WWOX: variants seen among roughly 807,000 people sequenced by gnomAD.
WWOX encodes WW domain-containing oxidoreductase.
In WWOX, 69 loss-of-function variants were observed where a neutral mutation model predicts 46.2. The ratio of observed to expected loss-of-function variants is 1.49; its 90% CI spans 1.23 to 1.82. WWOX has a LOEUF of 1.82. Among genes scored for constraint, WWOX ranks in the 40% most tolerant of loss-of-function variants. WWOX has a pLI of 0.00. For synonymous variants in WWOX, 359 were observed against 202.6 expected, an observed-to-expected ratio of 1.77 and a Z score of -6.56; for missense variants, 919 against 542.6, an observed-to-expected ratio of 1.69 and a Z score of -6.89.
chr16:79,062,212 G>GTT (rs1597338028), intron 8 of WWOX, among the ~76,000 whole-genome samples: 1 of 152,180 alleles, frequency 6.6e-6, no homozygotes, highest in Admixed American at 6.5e-5. Context: ...AGGAAGAAGC[G>GTT]TAAGTGTATC....
At chr16:78,604,584 T>C (rs1424162268) in intron 8 of WWOX, among the ~76,000 whole-genome samples, 2 of 152,172 alleles carry the variant, frequency 1.3e-5, no homozygotes, top group Admixed American at 6.5e-5. Flanking sequence ...AGTATTTCTT[T>C]TAGGATTCTA....
chr16:78,344,901 G>A (rs1333910735), intron 5 of WWOX, among the ~76,000 whole-genome samples: 1 of 121,076 alleles, frequency 8.3e-6, no homozygotes, highest in Non-Finnish European at 2.0e-5. Flanking sequence ...CAGACTGCTT[G>A]TGTTCCATTC....
intron 8 of WWOX, among the ~76,000 whole-genome samples, chr16:78,935,996 G>C (rs1485325855): frequency 6.6e-6 from 1 of 152,150 alleles, no homozygotes; most frequent in Non-Finnish European, 1.5e-5. Flanking sequence ...GATTTTAGTT[G>C]CTGGATGCTG....
chr16:78,126,370 A>G (rs887573282), intron 4 of WWOX, among the ~76,000 whole-genome samples: 2 of 152,230 alleles, frequency 1.3e-5, no homozygotes, highest in Non-Finnish European at 2.9e-5. Flanking sequence ...TCCTTTGCCC[A>G]GCATCCTTGC....
chr16:78,830,316 A>G lies in WWOX; in HGVS notation c.1057-381292A>G, dbSNP rs778482923. Among the ~76,000 whole-genome samples, 3 of 152,022 alleles carry G rather than the reference A, an allele frequency of 2.0e-5. No homozygotes were observed. In the East Asian group the frequency reaches 5.8e-4, roughly 29 times the overall value. On this transcript the variant is annotated intron_variant, in intron 8 of 8. Transcript: ENST00000566780. Reference sequence around the variant, plus strand: ...ATTTTCATAATAAGCATATTTATATATATACACATAAAACATATATGTACA... The same window carrying G: ...ATTTTCATAATAAGCATATTTATATGTATACACATAAAACATATATGTACA...
intron 7 of WWOX, among the ~76,000 whole-genome samples, chr16:78,430,697 A>C (rs77545540): frequency 1.3e-5 from 2 of 152,152 alleles, no homozygotes; most frequent in Non-Finnish European, 2.9e-5. Context: ...AAGGCAGCCA[A>C]CAATTCGTTT....
chr16:78,857,671 A>G (rs979032509), intron 8 of WWOX, among the ~76,000 whole-genome samples: 1 of 152,164 alleles, frequency 6.6e-6, no homozygotes, highest in Non-Finnish European at 1.5e-5. Flanking sequence ...GCCTCCACCA[A>G]GGCTGAATCT....
At chr16:78,803,882 C>T (rs920495020) in intron 8 of WWOX, among the ~76,000 whole-genome samples, 1 of 152,100 alleles carries the variant, frequency 6.6e-6, no homozygotes, top group African/African-American at 2.4e-5. Flanking sequence ...CTTCGTTTCT[C>T]CCAAATAACC....
chr16:79,119,464 G>T (rs9933651), intron 8 of WWOX, among the ~76,000 whole-genome samples: 1 of 152,124 alleles, frequency 6.6e-6, no homozygotes, highest in South Asian at 2.1e-4. Context: ...TGCCATCCGC[G>T]CTCCATGAGT....
At chr16:78,864,082 C>T (rs1213679286) in intron 8 of WWOX, among the ~76,000 whole-genome samples, 1 of 152,116 alleles carries the variant, frequency 6.6e-6, no homozygotes, top group Non-Finnish European at 1.5e-5. Flanking sequence ...TTTGTTGGAA[C>T]ACCTATTTCC....
chr16:78,573,560 C>A (rs1416540301), intron 8 of WWOX, among the ~76,000 whole-genome samples: 2 of 152,198 alleles, frequency 1.3e-5, no homozygotes, highest in Non-Finnish European at 2.9e-5. Flanking sequence ...CTCCCTGGGC[C>A]CTCTGGGACT....
At chr16:78,709,631 T>C (rs2048396595) in intron 8 of WWOX, among the ~76,000 whole-genome samples, 2 of 152,178 alleles carry the variant, frequency 1.3e-5, no homozygotes, top group Non-Finnish European at 2.9e-5. Flanking sequence ...ATTTCAGGCC[T>C]TTTAACAGGG....
At chr16:79,151,709 A>G (rs2050282751) in intron 8 of WWOX, among the ~76,000 whole-genome samples, 3 of 152,120 alleles carry the variant, frequency 2.0e-5, no homozygotes, top group African/African-American at 7.2e-5. Flanking sequence ...TCGTGTTGAG[A>G]GCATGCTAGT....
chr16:78,926,878 C>T (rs1567654438), intron 8 of WWOX, among the ~76,000 whole-genome samples: 1 of 152,258 alleles, frequency 6.6e-6, no homozygotes, highest in East Asian at 1.9e-4. Flanking sequence ...CTTACTGCAG[C>T]CTCTACTTCC....
At chr16:78,954,947 G>A (rs1052574866) in intron 8 of WWOX, among the ~76,000 whole-genome samples, 1 of 152,024 alleles carries the variant, frequency 6.6e-6, no homozygotes, top group Admixed American at 6.6e-5. Context: ...GGGACACCAT[G>A]CCAGTCTAAT....
chr16:79,021,810 G>C (rs1293380772), intron 8 of WWOX, among the ~76,000 whole-genome samples: 2 of 152,194 alleles, frequency 1.3e-5, no homozygotes, highest in Non-Finnish European at 2.9e-5. Context: ...AGATTAAGGA[G>C]TCTGCACTAG....
At chr16:78,376,415 C>T (rs764562487) in intron 5 of WWOX, among the ~76,000 whole-genome samples, 2 of 152,024 alleles carry the variant, frequency 1.3e-5, no homozygotes. Flanking sequence ...CCAGGCTGTC[C>T]CTGTTCTTAT....
chr16:78,740,701 C>T (rs550356464), intron 8 of WWOX, among the ~76,000 whole-genome samples: 6 of 152,174 alleles, frequency 3.9e-5, no homozygotes, highest in South Asian at 2.1e-4. Flanking sequence ...CCGATTGAAG[C>T]GCTAGTAATT....
chr16:78,367,688 G>C (rs1185859037), intron 5 of WWOX, among the ~76,000 whole-genome samples: 1 of 152,058 alleles, frequency 6.6e-6, no homozygotes, highest in Non-Finnish European at 1.5e-5. Flanking sequence ...CAGCAGTACT[G>C]TTTTGGAAGG....
Sources: allele counts gnomAD v4.1 joint callset (sites outside exome capture counted in the v4.1 genomes callset), GRCh38; gene constraint gnomAD v4.1.1; transcripts MANE v1.5; gene names NCBI Gene and HGNC (gene_info 2026-07-23, HGNC 2026-07-21).